Variants in FMN1 observed in about 807,000 individuals in gnomAD.
FMN1 encodes the protein formin-1.
FMN1 carries 110 observed loss-of-function variants against 132.4 expected under a neutral mutation model. The observed-to-expected ratio is 0.83, with a 90% CI of 0.71 to 0.97. The LOEUF (loss-of-function observed/expected upper bound fraction) is 0.97. FMN1 is among the 50% of genes least tolerant of loss of function. FMN1 has a pLI of 0.00. For synonymous variants in FMN1, 722 were observed against 651.7 expected (o/e 1.11, Z -1.64); for missense variants, 1,792 against 1,705.3 (o/e 1.05, Z -0.90).
chr15:32,888,362 T>A, intron 15 of FMN1, 70 bp from the exon 16 acceptor site: 3 of 1,355,592 alleles, frequency 2.2e-6, no homozygotes, highest in Non-Finnish European at 3.0e-6. Context: ...TTCCAAAGCA[T>A]CAATGAGAAA....
intron 16 of FMN1, among the ~76,000 whole-genome samples, chr15:32,860,354 A>C (rs1444949354): frequency 6.6e-6 from 1 of 152,144 alleles, no homozygotes; most frequent in African/African-American, 2.4e-5. Context: ...GAAAGTTTAA[A>C]TAAAATTAGC....
At chr15:33,130,022 G>A (rs990375121) in intron 4 of FMN1, among the ~76,000 whole-genome samples, 2 of 151,938 alleles carry the variant, frequency 1.3e-5, no homozygotes, top group Non-Finnish European at 2.9e-5. Context: ...CTCATCCATC[G>A]TGATCCACCT....
intron 17 of FMN1, among the ~76,000 whole-genome samples, chr15:32,831,743 C>G (rs1414034758): frequency 7.1e-6 from 1 of 140,780 alleles, no homozygotes; most frequent in South Asian, 2.4e-4. Context: ...AAGAATGCAG[C>G]CTTTTTTTTT....
intron 17 of FMN1, among the ~76,000 whole-genome samples, chr15:32,838,813 C>A (rs955241500): frequency 6.6e-6 from 1 of 152,158 alleles, no homozygotes; most frequent in Non-Finnish European, 1.5e-5. Flanking sequence ...GTTGCCAGAA[C>A]GCTTGAACAA....
chr15:33,134,625 A>C (rs1377249989), intron 4 of FMN1, among the ~76,000 whole-genome samples: 1 of 152,214 alleles, frequency 6.6e-6, no homozygotes, highest in East Asian at 1.9e-4. Flanking sequence ...GAGAGCACCG[A>C]AAGGAGAAGA....
At chr15:33,127,746 G>GGTT (rs1393098906) in intron 4 of FMN1, among the ~76,000 whole-genome samples, 3 of 152,134 alleles carry the variant, frequency 2.0e-5, no homozygotes, top group Non-Finnish European at 4.4e-5. Flanking sequence ...TAATGATAGG[G>GGTT]GAAACCAATG....
chr15:32,820,524 T>C (rs780371208), intron 17 of FMN1, among the ~76,000 whole-genome samples: 1 of 152,286 alleles, frequency 6.6e-6, no homozygotes, highest in Non-Finnish European at 1.5e-5. Context: ...AACACATATA[T>C]ATATATAGTT....
intron 6 of FMN1, among the ~76,000 whole-genome samples, chr15:33,055,308 C>A (rs1008320304): frequency 6.6e-6 from 1 of 152,156 alleles, no homozygotes; most frequent in Non-Finnish European, 1.5e-5. Context: ...GAAGTCCCCC[C>A]ACCCCTTCGA....
Position 33,194,619 on chromosome 15 carries a change from C to G in FMN1, c.-390G>C, listed in dbSNP as rs934308291. On this transcript the variant is annotated 5_prime_UTR_variant, in exon 1 of 21. Transcript: ENST00000616417. The stretch of plus-strand genomic sequence containing the variant: ...AGGCTGGTCCCGAGTCCCAGCTACT[C>G]GGGAGGCTGAGGCAGGAGGATTGCT... 7 of 152,320 alleles carry G rather than the reference C, an allele frequency of 4.6e-5. No individual in the cohort carries two copies. The highest frequency in any genetic ancestry group is 1.3e-4 in the Admixed American group (2 of 15,278). The allele number at this position is 152,320 out of a possible 1,614,324, so 9.4% of individuals were successfully genotyped here.
Position 32,968,731 on chromosome 15 carries a change from T to A in FMN1, c.2970A>T (p.Ile990=), listed in dbSNP as rs2031478323. Residue 990 remains isoleucine (I), a synonymous_variant, in exon 8 of 21, where the codon ATA becomes ATT. Transcript: ENST00000616417. ...GAACTTACCTCCTATCACTTATTTG[T>A]ATCCTAGTCCAATATAAAGGCTTCA... ...CPMKPLYWTR[I]QISDRSQNAT... The A allele has an allele frequency of 1.2e-6, 2 of 1,613,508 alleles. No individual in the cohort carries two copies. Among genetic ancestry groups the A allele is most frequent in the Non-Finnish European group, 1.7e-6 (2 of 1,179,724 alleles).
rs767799707 is a variant in FMN1, at chr15:32,960,354, C to T, written c.3138+3753G>A. 6.6e-4 allele frequency among the ~76,000 whole-genome samples: 100 copies of T among 152,158 alleles called. 1 individual carries two copies. Among genetic ancestry groups the T allele is most frequent in the Admixed American group, 1.8e-3 (27 of 15,268 alleles). On this transcript the variant is annotated intron_variant, in intron 9 of 20. Coordinates refer to ENST00000616417, the MANE Select transcript of FMN1 (RefSeq NM_001277313.2). The stretch of plus-strand genomic sequence containing the variant: ...CCACCCCCATGATTTAATCGCCTCC[C>T]ACCAGGTCCCTCCTAGACACGTGGG...
intron 16 of FMN1, among the ~76,000 whole-genome samples, chr15:32,886,688 G>C (rs990851578): frequency 2.6e-5 from 4 of 152,140 alleles, no homozygotes; most frequent in African/African-American, 9.7e-5. Flanking sequence ...TTTCACAAGG[G>C]GCCAAGAGAC....
At chr15:32,898,187 G>A (rs1291700437) in intron 15 of FMN1, among the ~76,000 whole-genome samples, 2 of 152,202 alleles carry the variant, frequency 1.3e-5, no homozygotes, top group Non-Finnish European at 2.9e-5. Context: ...TGGTTAAGCA[G>A]AAGTCCTGAC....
At chr15:32,881,075 CATATTTTTT>C (rs1340391493) in intron 16 of FMN1, among the ~76,000 whole-genome samples, 1 of 145,666 alleles carries the variant, frequency 6.9e-6, no homozygotes, top group Non-Finnish European at 1.5e-5. Context: ...TTTGTTTTTG[CATATTTTTT>C]GTATATTTTG....
At chr15:33,148,115 T>A (rs879574014) in intron 4 of FMN1, among the ~76,000 whole-genome samples, 3 of 152,180 alleles carry the variant, frequency 2.0e-5, no homozygotes, top group Non-Finnish European at 4.4e-5. Context: ...AGTATTAAGA[T>A]TACCACTGTT....
At chr15:32,993,918 G>A (rs1223754130) in intron 7 of FMN1, among the ~76,000 whole-genome samples, 3 of 144,480 alleles carry the variant, frequency 2.1e-5, no homozygotes, top group Admixed American at 2.1e-4. Flanking sequence ...GGGGTGGGGG[G>A]GGTCTTTTGG....
chr15:32,970,382 A>C (rs957356792), intron 7 of FMN1, among the ~76,000 whole-genome samples: 1 of 152,180 alleles, frequency 6.6e-6, no homozygotes, highest in Non-Finnish European at 1.5e-5. Context: ...CAATTTATTT[A>C]ATTTCTGCCT....
rs12595237 is a variant in FMN1, at chr15:32,888,031, A to G, written c.3835+141T>C. ...GCCTCTACACACTGTGTAGAGAAGG[A>G]AAGTTTCCTGAAAGCTGTAGTGTAC... On this transcript the variant is annotated intron_variant, in intron 16 of 20. Coordinates refer to ENST00000616417, the MANE Select transcript of FMN1 (RefSeq NM_001277313.2). 67,472 of 596,450 alleles carry G rather than the reference A, an allele frequency of 0.11. 4,537 individuals are homozygous for G. The highest frequency in any genetic ancestry group is 0.24 in the East Asian group (8,294 of 33,984). 36.9% of individuals were successfully genotyped at this position (596,450 alleles called of 1,614,324 possible). A position where few individuals can be genotyped will look rare whatever the true frequency, so the allele number is the denominator to read the frequency against.
Position 32,797,090 on chromosome 15 carries a change from G to A in FMN1, c.4130+1714C>T, listed in dbSNP as rs184666058. Among the ~76,000 whole-genome samples the A allele has an allele frequency of 5.5e-3, 828 of 150,956 alleles. 10 individuals are homozygous for A. The highest frequency in any genetic ancestry group is 0.019 in the African/African-American group (779 of 41,344). Reference sequence around the variant, plus strand: ...CAAACGCCCGTGGCTGGGAATCAGAGATACTGTCATTTTGAAGGACTTCTG... The same window carrying A: ...CAAACGCCCGTGGCTGGGAATCAGAAATACTGTCATTTTGAAGGACTTCTG... On this transcript the variant is annotated intron_variant, in intron 19 of 20. Coordinates refer to ENST00000616417, the MANE Select transcript of FMN1 (RefSeq NM_001277313.2).
Sources: gnomAD v4.1 joint callset for allele counts (sites outside exome capture counted in the v4.1 genomes callset) on GRCh38, gnomAD v4.1.1 for gene constraint, MANE v1.5 for transcripts, NCBI Gene and HGNC (gene_info 2026-07-23, HGNC 2026-07-21) for gene names.